The following WWOX variants were observed in gnomAD, a reference collection of about 807,000 sequenced individuals.
WWOX encodes the protein WW domain-containing oxidoreductase.
Under a neutral mutation model 46.2 loss-of-function variants are expected in WWOX, and 69 were observed. That is an observed-to-expected ratio of 1.49 (90% CI 1.23 to 1.82). The LOEUF (loss-of-function observed/expected upper bound fraction) is 1.82. WWOX is among the 40% of genes most tolerant of loss of function. The probability of loss-of-function intolerance (pLI) is 0.00; values close to 1 mark genes in which losing one functional copy is unlikely to be tolerated. For synonymous variants in WWOX, 359 were observed against 202.6 expected (o/e 1.77, Z -6.56); for missense variants, 919 against 542.6 (o/e 1.69, Z -6.89).
chr16:78,144,985 A>G (rs2034149329), intron 4 of WWOX, among the ~76,000 whole-genome samples: 1 of 152,158 alleles, frequency 6.6e-6, no homozygotes, highest in Non-Finnish European at 1.5e-5. Flanking sequence ...CAGATGAGGA[A>G]ATTGAGGTTC....
intron 8 of WWOX, chr16:78,525,203 T>G (rs1390542904): frequency 6.2e-5 from 5 of 80,056 alleles, no homozygotes; most frequent in South Asian, 4.2e-4. Context: ...TTTTTTTTTT[T>G]GAAATGGAGT....
chr16:78,643,450 G>A (rs1261723196), intron 8 of WWOX, among the ~76,000 whole-genome samples: 4 of 152,096 alleles, frequency 2.6e-5, no homozygotes, highest in Non-Finnish European at 4.4e-5. Flanking sequence ...CAGCTCATAA[G>A]GTGTGCTACC....
At chr16:78,291,660 A>AT (rs1412637082) in intron 5 of WWOX, among the ~76,000 whole-genome samples, 1 of 152,128 alleles carries the variant, frequency 6.6e-6, no homozygotes, top group African/African-American at 2.4e-5. Context: ...GTTTCTTGGG[A>AT]TTTTCAGAAA....
At chr16:78,588,412 C>T (rs1463079906) in intron 8 of WWOX, among the ~76,000 whole-genome samples, 1 of 152,178 alleles carries the variant, frequency 6.6e-6, no homozygotes, top group Non-Finnish European at 1.5e-5. Flanking sequence ...CTACTCTGTA[C>T]TCAGATGAGG....
chr16:78,100,082 G>C, intron 1 of WWOX, 197 bp downstream of exon 1: 1 of 1,386,296 alleles, frequency 7.2e-7, no homozygotes, highest in Non-Finnish European at 9.3e-7. Context: ...GGTCCAGCGG[G>C]GGTCACCTGG....
At chr16:78,580,641 T>C (rs746991458) in intron 8 of WWOX, among the ~76,000 whole-genome samples, 1 of 152,238 alleles carries the variant, frequency 6.6e-6, no homozygotes, top group African/African-American at 2.4e-5. Context: ...TAGTAAATTA[T>C]AGAAACAACT....
At chr16:79,048,407 C>G (rs1317240756) in intron 8 of WWOX, among the ~76,000 whole-genome samples, 1 of 152,014 alleles carries the variant, frequency 6.6e-6, no homozygotes, top group Non-Finnish European at 1.5e-5. Flanking sequence ...GGTTCAGCAG[C>G]AACTGATTAC....
intron 8 of WWOX, among the ~76,000 whole-genome samples, chr16:79,197,093 G>C (rs768214149): frequency 8.5e-5 from 13 of 152,132 alleles, no homozygotes; most frequent in African/African-American, 3.1e-4. Flanking sequence ...AGCTACCTGA[G>C]TGGAGTCAAC....
intron 8 of WWOX, among the ~76,000 whole-genome samples, chr16:78,590,951 T>C (rs1457110707): frequency 6.6e-6 from 1 of 152,080 alleles, no homozygotes; most frequent in Non-Finnish European, 1.5e-5. Context: ...GGAGGAGTAA[T>C]ATGGCACCTC....
intron 8 of WWOX, among the ~76,000 whole-genome samples, chr16:78,879,523 C>G (rs1342872593): frequency 2.0e-5 from 3 of 152,082 alleles, no homozygotes; most frequent in African/African-American, 4.8e-5. Context: ...AAAAATTTGG[C>G]CTTTGGCCTC....
At chr16:79,181,440 T>C (rs2050909818) in intron 8 of WWOX, among the ~76,000 whole-genome samples, 1 of 152,222 alleles carries the variant, frequency 6.6e-6, no homozygotes, top group South Asian at 2.1e-4. Flanking sequence ...TGGTTTTAAT[T>C]TTGTAGGACA....
At chr16:78,247,356 C>T (rs1304621696) in intron 5 of WWOX, among the ~76,000 whole-genome samples, 1 of 152,156 alleles carries the variant, frequency 6.6e-6, no homozygotes, top group Non-Finnish European at 1.5e-5. Flanking sequence ...TTATTACTTG[C>T]ACCTAGTGGA....
intron 8 of WWOX, among the ~76,000 whole-genome samples, chr16:78,603,488 A>C (rs1254785520): frequency 6.6e-6 from 1 of 152,190 alleles, no homozygotes; most frequent in Non-Finnish European, 1.5e-5. Flanking sequence ...TGAGGCCAGG[A>C]GTTCGAGACC....
rs113568947 is a variant in WWOX at position 79,189,250 on chromosome 16, CT to C, written c.1057-22348del. 6.2e-3 allele frequency among the ~76,000 whole-genome samples: 920 copies of C among 148,972 alleles called. 6 individuals carry two copies. The highest frequency in any genetic ancestry group is 0.02 in the African/African-American group (802 of 40,576). ...AGGCATCTATTAGGAAAGCCTATTTCTTTTTTTTTTCTTTTTGTTTTTTCTG... is the reference window on the plus strand; with the variant it reads ...AGGCATCTATTAGGAAAGCCTATTTCTTTTTTTTTCTTTTTGTTTTTTCTG... On this transcript the variant is annotated intron_variant, in intron 8 of 8. Transcript: ENST00000566780.
intron 8 of WWOX, among the ~76,000 whole-genome samples, chr16:78,433,528 C>A (rs557199882): frequency 2.2e-4 from 33 of 152,172 alleles, no homozygotes; most frequent in Non-Finnish European, 4.6e-4. Flanking sequence ...CACCAGTATT[C>A]CAGTTACCCA....
At chr16:78,737,675 A>T (rs868049151) in intron 8 of WWOX, among the ~76,000 whole-genome samples, 7 of 152,282 alleles carry the variant, frequency 4.6e-5, no homozygotes, top group Middle Eastern at 6.8e-3. Context: ...CTACAGGGTT[A>T]TATTAAAAGA....
At chr16:78,881,527 C>T (rs1280998049) in intron 8 of WWOX, among the ~76,000 whole-genome samples, 1 of 152,118 alleles carries the variant, frequency 6.6e-6, no homozygotes, top group Admixed American at 6.5e-5. Flanking sequence ...CAACTATTTG[C>T]CAGGATCCTT....
At position 78,515,073 on chromosome 16, in the gene WWOX, A is replaced by T. The variant is rs143789681; in HGVS notation, c.1056+82321A>T. The stretch of plus-strand genomic sequence containing the variant: ...CACCTCTACTAAAAATACAAAAAAA[A>T]ATTAGCTGAACCTGGTGGTTCACGC... On this transcript the variant is annotated intron_variant, in intron 8 of 8. Coordinates refer to ENST00000566780, the MANE Select transcript of WWOX (RefSeq NM_016373.4). 6.5e-3 allele frequency among the ~76,000 whole-genome samples: 985 copies of T among 152,220 alleles called. 29 individuals carry two copies. The highest frequency in any genetic ancestry group is 0.038 in the East Asian group (195 of 5,166).
At chr16:78,546,337 G>C (rs1264424905) in intron 8 of WWOX, among the ~76,000 whole-genome samples, 1 of 152,126 alleles carries the variant, frequency 6.6e-6, no homozygotes, top group East Asian at 1.9e-4. Context: ...GAAAACAGTA[G>C]TGTGATCAGA....
Sources: allele counts gnomAD v4.1 joint callset (sites outside exome capture counted in the v4.1 genomes callset), GRCh38; gene constraint gnomAD v4.1.1; transcripts MANE v1.5; gene names NCBI Gene and HGNC (gene_info 2026-07-23, HGNC 2026-07-21).